COQ8A: variants seen among roughly 807,000 people sequenced by gnomAD.
COQ8A encodes atypical kinase COQ8A, mitochondrial.
COQ8A carries 51 observed loss-of-function variants against 65.0 expected under a neutral mutation model. The ratio of observed to expected loss-of-function variants is 0.78; its 90% CI spans 0.63 to 0.99. The LOEUF (loss-of-function observed/expected upper bound fraction) is 0.99, where lower values mean the gene tolerates loss of function less well. Ranked by LOEUF, COQ8A falls within the 50% of genes least tolerant of loss-of-function variation. COQ8A has a pLI of 0.00. For missense variants in COQ8A, 940 were observed against 875.0 expected (o/e 1.07, Z -0.94); for synonymous variants, 371 against 353.2 (o/e 1.05, Z -0.57).
chr1:226,953,091 A>G (rs1032421676), intron 1 of COQ8A, among the ~76,000 whole-genome samples: 4 of 152,086 alleles, frequency 2.6e-5, no homozygotes, highest in African/African-American at 4.8e-5. Context: ...GTGCAGTGGC[A>G]TGATCTTGGC....
At chr1:226,977,615 A>G (rs976834803) in intron 5 of COQ8A, 92 bp downstream of exon 5, 3 of 1,404,376 alleles carry the variant, frequency 2.1e-6, no homozygotes, top group Non-Finnish European at 2.9e-6. Flanking sequence ...TGGGAGTGTC[A>G]GCCAGCTGGG....
Position 226,983,539 on chromosome 1 carries a change from C to T in COQ8A, c.1081-13C>T, listed in dbSNP as rs1659848379. 6.2e-7 allele frequency: 1 copy of T among 1,613,094 alleles called. No homozygotes were observed. Among genetic ancestry groups the T allele is most frequent in the Non-Finnish European group, 8.5e-7 (1 of 1,179,532 alleles). On this transcript the variant is annotated splice_polypyrimidine_tract_variant and intron_variant, in intron 8 of 14. Transcript: ENST00000366777. ...CCTGGGCTAACTCCCCTGCCTCACC[C>T]ATACCCCCACAGTACCCTGGCGTGG...
chr1:226,965,837 GC>G (rs540671891), intron 4 of COQ8A, 100 bp downstream of exon 4: 149 of 1,349,306 alleles, frequency 1.1e-4, no homozygotes, highest in Admixed American at 8.9e-4. Context: ...CCCGGGGAGG[GC>G]GTTGGGGGAG....
intron 5 of COQ8A, among the ~76,000 whole-genome samples, chr1:226,979,099 AG>A (rs1659537047): frequency 6.6e-6 from 1 of 152,190 alleles, no homozygotes; most frequent in Non-Finnish European, 1.5e-5. Context: ...TCACCAGCTT[AG>A]TAACCTGGGG....
chr1:226,959,204 T>C (rs759439510), intron 1 of COQ8A, among the ~76,000 whole-genome samples: 3 of 152,090 alleles, frequency 2.0e-5, no homozygotes, highest in Non-Finnish European at 2.9e-5. Context: ...TTATTCCCCT[T>C]CCCTCCTTTC....
intron 4 of COQ8A, among the ~76,000 whole-genome samples, chr1:226,967,527 G>C (rs989742318): frequency 1.3e-5 from 2 of 152,230 alleles, no homozygotes; most frequent in Admixed American, 1.3e-4. Flanking sequence ...TTAGAATCTG[G>C]TGGAGCACCA....
chr1:226,962,225 T>C (rs1658296988), intron 2 of COQ8A, among the ~76,000 whole-genome samples: 1 of 152,200 alleles, frequency 6.6e-6, no homozygotes, highest in Non-Finnish European at 1.5e-5. Context: ...GGGGCCCTCC[T>C]TTCCTTGGTG....
chr1:226,982,787 ACTCT>A, intron 7 of COQ8A, 24 bp downstream of exon 7: 1 of 1,613,106 alleles, frequency 6.2e-7, no homozygotes, highest in Non-Finnish European at 8.5e-7. Context: ...GGCTCTGCCC[ACTCT>A]CTGTGGCCTC....
At chr1:226,945,087 G>A (rs1300235518) in intron 1 of COQ8A, among the ~76,000 whole-genome samples, 1 of 152,192 alleles carries the variant, frequency 6.6e-6, no homozygotes, top group Non-Finnish European at 1.5e-5. Context: ...TTTCAGAACA[G>A]CCCTGTGTGT....
chr1:226,950,690 T>C (rs1370192785), intron 1 of COQ8A, among the ~76,000 whole-genome samples: 2 of 151,826 alleles, frequency 1.3e-5, no homozygotes, highest in African/African-American at 4.8e-5. Flanking sequence ...GTTCTGCTGC[T>C]CACAAAATGA....
Position 226,965,269 on chromosome 1 carries a change from C to T in COQ8A, c.447C>T (p.Pro149=), listed in dbSNP as rs370991968. ...CCAACGGGAGGCTCTTTGCAAACCC[C>T]AGAGACTCATTCTCTGCCATGGGCT... ...GRANGRLFAN[P]RDSFSAMGFQ... is the part of the protein sequence containing the mutation. The change falls in exon 3 of 15, where the codon CCC becomes CCT. Residue 149 remains proline (P), a synonymous_variant. Coordinates refer to ENST00000366777, the MANE Select transcript of COQ8A (RefSeq NM_020247.5). The T allele has an allele frequency of 1.2e-6, 2 of 1,614,046 alleles. No individual in the cohort carries two copies. The highest frequency in any genetic ancestry group is 1.7e-5 in the Admixed American group (1 of 60,022).
rs200743857 is a variant in COQ8A, at chr1:226,986,746, G to A, written c.*9G>A. 350 of 1,611,170 alleles carry A rather than the reference G, an allele frequency of 2.2e-4. 1 individual carries two copies. The African/African-American group carries it at 4.3e-3, about 20-fold the overall frequency. ...GGCAGGCCCAGCAGTAGGGCTGCGG[G>A]CCACGCCCAGGCCGGCTCCGCGGGA... On this transcript the variant is annotated 3_prime_UTR_variant, in exon 15 of 15. Coordinates refer to ENST00000366777, the MANE Select transcript of COQ8A (RefSeq NM_020247.5).
At position 226,983,543 on chromosome 1, in the gene COQ8A, C is replaced by G; in HGVS notation, c.1081-9C>G. ...GGCTAACTCCCCTGCCTCACCCATA[C>G]CCCCACAGTACCCTGGCGTGGCCCA... On this transcript the variant is annotated splice_polypyrimidine_tract_variant and intron_variant, in intron 8 of 14. Coordinates refer to ENST00000366777, the MANE Select transcript of COQ8A (RefSeq NM_020247.5). The G allele has an allele frequency of 6.2e-7, 1 of 1,613,460 alleles. No homozygotes were observed. The highest frequency in any genetic ancestry group is 8.5e-7 in the Non-Finnish European group (1 of 1,179,702).
At chr1:226,951,810 C>G (rs1057001081) in intron 1 of COQ8A, among the ~76,000 whole-genome samples, 26 of 151,960 alleles carry the variant, frequency 1.7e-4, no homozygotes, top group Admixed American at 1.6e-3. Flanking sequence ...AGGGACAATA[C>G]ATATGTAAAC....
chr1:226,951,550 AGCCCATTTCT>A (rs1353031041), intron 1 of COQ8A, among the ~76,000 whole-genome samples: 1 of 152,042 alleles, frequency 6.6e-6, no homozygotes, highest in Non-Finnish European at 1.5e-5. Flanking sequence ...TGGCGAGGTG[AGCCCATTTCT>A]CAGGGTCAGG....
At chr1:226,962,557 G>A (rs545042453) in intron 2 of COQ8A, among the ~76,000 whole-genome samples, 30 of 152,324 alleles carry the variant, frequency 2.0e-4, no homozygotes, top group African/African-American at 6.7e-4. Context: ...GTGTGCATTG[G>A]AGGTTGTGTC....
rs1657250368 is a variant in COQ8A at position 226,949,575 on chromosome 1, A to G, written c.-10+9176A>G. Among the ~76,000 whole-genome samples the G allele has an allele frequency of 6.6e-6, 1 of 152,114 alleles. No individual in the cohort carries two copies. The highest frequency in any genetic ancestry group is 6.5e-5 in the Admixed American group (1 of 15,274). On this transcript the variant is annotated intron_variant, in intron 1 of 14. Transcript: ENST00000366777. This position sits in a 1 kb window ranked among gnomAD's most constrained non-coding sequence, Gnocchi z 4.0. ...GACTGCCTCTCCTGAATGATGCCTC[A>G]TACCACAGCACTAAATAAACCACAC...
At chr1:226,985,128 G>GA (rs1660004730) in intron 13 of COQ8A, 126 bp from the exon 14 acceptor site, 2 of 1,298,738 alleles carry the variant, frequency 1.5e-6, no homozygotes, top group Non-Finnish European at 2.2e-6. Flanking sequence ...TCACAGCACT[G>GA]GCCGGGGGCC....
At position 226,983,771 on chromosome 1, in the gene COQ8A, C is replaced by T. The variant is rs541611601; in HGVS notation, c.1173C>T (p.Pro391=). 2.6e-5 allele frequency: 42 copies of T among 1,613,098 alleles called. No individual in the cohort carries two copies. Among genetic ancestry groups the T allele is most frequent in the Middle Eastern group, 1.7e-4 (1 of 6,042 alleles). Residue 391 remains proline, a synonymous_variant, in exon 10 of 15, where the codon CCC becomes CCT. Coordinates refer to ENST00000366777, the MANE Select transcript of COQ8A (RefSeq NM_020247.5). ...TCCTCCCTGGCCCAGGCCTGTTCCC[C>T]GAGCACCTGATCGACGTGCTGAGGC... ...MSNMLPEGLF[P]EHLIDVLRRE...
Sources: gnomAD v4.1 joint callset for allele counts (sites outside exome capture counted in the v4.1 genomes callset) on GRCh38, gnomAD v4.1.1 for gene constraint, Gnocchi (gnomAD v3.1) non-coding constraint, MANE v1.5 for transcripts, NCBI Gene and HGNC (gene_info 2026-07-23, HGNC 2026-07-21) for gene names.